DGKI: variants seen among roughly 807,000 people sequenced by gnomAD.
DGKI encodes DAG kinase iota.
A neutral mutation model predicts 147.5 loss-of-function variants in DGKI; 55 were observed. That is an observed-to-expected ratio of 0.37 (90% CI 0.30 to 0.47). DGKI has a LOEUF of 0.47. Among genes scored for constraint, DGKI ranks in the 20% least tolerant of loss-of-function variants. The pLI is 1.00. For synonymous variants in DGKI, 469 were observed against 477.1 expected (o/e 0.98, Z 0.22); for missense variants, 1,007 against 1,323.8 (o/e 0.76, Z 3.71).
chr7:137,430,660 G>A (rs1030051308), intron 28 of DGKI, among the ~76,000 whole-genome samples: 1 of 152,086 alleles, frequency 6.6e-6, no homozygotes, highest in Non-Finnish European at 1.5e-5. Context: ...TAAAGAAATA[G>A]AGTGATGTAG....
At chr7:137,835,111 A>G (rs1462382622) in intron 1 of DGKI, among the ~76,000 whole-genome samples, 1 of 152,238 alleles carries the variant, frequency 6.6e-6, no homozygotes, top group Non-Finnish European at 1.5e-5. Flanking sequence ...CTTGGCTGCA[A>G]CAACAAAATT....
intron 20 of DGKI, among the ~76,000 whole-genome samples, chr7:137,540,877 A>G (rs1185330364): frequency 2.0e-5 from 3 of 151,562 alleles, no homozygotes; most frequent in Non-Finnish European, 4.4e-5. Flanking sequence ...CTACCAAGAA[A>G]TGATGGACAA....
chr7:137,425,144 C>T (rs1361563555), intron 28 of DGKI, among the ~76,000 whole-genome samples: 1 of 152,188 alleles, frequency 6.6e-6, no homozygotes, highest in Non-Finnish European at 1.5e-5. Flanking sequence ...CTGGGAGGCA[C>T]CCCCCAGTAG....
chr7:137,795,531 G>A (rs1253714177), intron 1 of DGKI, among the ~76,000 whole-genome samples: 2 of 152,212 alleles, frequency 1.3e-5, no homozygotes, highest in African/African-American at 2.4e-5. Flanking sequence ...AGCTGCCTGA[G>A]GTGGCCCTAT....
intron 3 of DGKI, among the ~76,000 whole-genome samples, chr7:137,678,343 G>A (rs1212573479): frequency 1.3e-5 from 2 of 152,130 alleles, no homozygotes; most frequent in Non-Finnish European, 2.9e-5. Context: ...CCAAGGCCTG[G>A]CCTGCATAAG....
chr7:137,544,928 A>T (rs1463544251), intron 20 of DGKI, among the ~76,000 whole-genome samples: 1 of 152,248 alleles, frequency 6.6e-6, no homozygotes, highest in Non-Finnish European at 1.5e-5. Flanking sequence ...TAACTCTGAC[A>T]GCAAGAATCA....
intron 14 of DGKI, among the ~76,000 whole-genome samples, chr7:137,583,809 TA>T (rs1452141072): frequency 6.6e-6 from 1 of 151,716 alleles, no homozygotes; most frequent in Non-Finnish European, 1.5e-5. Flanking sequence ...TCAAACACAT[TA>T]AAAAAAAGCT....
intron 1 of DGKI, among the ~76,000 whole-genome samples, chr7:137,800,893 C>T (rs944345779): frequency 2.0e-5 from 3 of 152,164 alleles, no homozygotes; most frequent in Non-Finnish European, 4.4e-5. Context: ...TAACTATATA[C>T]TCAGTAAAGT....
chr7:137,417,990 A>C (rs948616055), intron 28 of DGKI, among the ~76,000 whole-genome samples: 3 of 152,198 alleles, frequency 2.0e-5, no homozygotes, highest in African/African-American at 4.8e-5. Flanking sequence ...ATTTTGTCCT[A>C]GCAGCAGGAA....
chr7:137,580,309 T>C (rs1317638231), intron 15 of DGKI, among the ~76,000 whole-genome samples: 2 of 152,078 alleles, frequency 1.3e-5, no homozygotes, highest in African/African-American at 2.4e-5. Flanking sequence ...AAATCCCCCA[T>C]GTACTTCCCA....
intron 21 of DGKI, among the ~76,000 whole-genome samples, chr7:137,514,242 AAAAAT>A (rs1816676832): frequency 6.6e-6 from 1 of 152,290 alleles, no homozygotes; most frequent in East Asian, 1.9e-4. Flanking sequence ...AAGAATTAAA[AAAAAT>A]AAAATAAAAT....
At position 137,441,172 on chromosome 7, in the gene DGKI, G is replaced by A. The variant is rs549039065; in HGVS notation, c.2761+2905C>T. The stretch of plus-strand genomic sequence containing the variant: ...ACGGTGGCTCATGCCTGTAATCCCA[G>A]TACTTTGGGAGGCCGAGGTGGGCGA... On this transcript the variant is annotated intron_variant, in intron 28 of 32. Coordinates refer to ENST00000614521, the MANE Select transcript of DGKI (RefSeq NM_001321708.2). 3.4e-4 allele frequency among the ~76,000 whole-genome samples: 52 copies of A among 152,210 alleles called. No homozygotes were observed. In the South Asian group the frequency reaches 4.6e-3, roughly 13 times the overall value.
intron 21 of DGKI, among the ~76,000 whole-genome samples, chr7:137,499,040 T>G (rs1343683478): frequency 6.6e-6 from 1 of 152,186 alleles, no homozygotes; most frequent in East Asian, 1.9e-4. Context: ...AGAGACTCTT[T>G]TCAGCTTTCT....
At chr7:137,402,168 T>A (rs1268402374) in intron 30 of DGKI, among the ~76,000 whole-genome samples, 2 of 152,208 alleles carry the variant, frequency 1.3e-5, no homozygotes, top group Non-Finnish European at 2.9e-5. Flanking sequence ...ACAGAAACTT[T>A]TTTTTCCTCA....
chr7:137,582,524 G>T (rs753374221), intron 14 of DGKI, among the ~76,000 whole-genome samples: 1 of 151,358 alleles, frequency 6.6e-6, no homozygotes, highest in Non-Finnish European at 1.5e-5. Context: ...GGTTATTGCT[G>T]GCCTAGAGAG....
chr7:137,716,379 A>G (rs1456638046), intron 1 of DGKI, among the ~76,000 whole-genome samples: 2 of 152,190 alleles, frequency 1.3e-5, no homozygotes, highest in South Asian at 2.1e-4. Flanking sequence ...CTCATGACCA[A>G]TTCCCACAGG....
At chr7:137,548,285 T>C (rs1489224934) in intron 20 of DGKI, among the ~76,000 whole-genome samples, 1 of 152,142 alleles carries the variant, frequency 6.6e-6, no homozygotes. Context: ...TCAAAGAATG[T>C]AGTAGCTACC....
intron 5 of DGKI, among the ~76,000 whole-genome samples, chr7:137,650,657 G>T (rs1405611190): frequency 1.3e-5 from 2 of 152,196 alleles, no homozygotes; most frequent in East Asian, 1.9e-4. Flanking sequence ...AATACAATGA[G>T]AAGGTGGCAG....
intron 27 of DGKI, among the ~76,000 whole-genome samples, chr7:137,462,617 T>C (rs1465561754): frequency 6.6e-6 from 1 of 152,222 alleles, no homozygotes; most frequent in Non-Finnish European, 1.5e-5. Context: ...TAGTTAACCC[T>C]AGGATTCGAA....
Sources: gnomAD v4.1 joint callset for allele counts (sites outside exome capture counted in the v4.1 genomes callset) on GRCh38, gnomAD v4.1.1 for gene constraint, MANE v1.5 for transcripts, NCBI Gene and HGNC (gene_info 2026-07-23, HGNC 2026-07-21) for gene names.